DAB1: variants seen among roughly 807,000 people sequenced by gnomAD.
The protein encoded by DAB1 is disabled homolog 1.
DAB1 carries 15 observed loss-of-function variants against 64.6 expected under a neutral mutation model. The ratio of observed to expected loss-of-function variants is 0.23; its 90% CI spans 0.16 to 0.36. The LOEUF is 0.36. DAB1 is among the 10% of genes least tolerant of loss of function. The pLI is 1.00. For missense variants in DAB1, 596 were observed against 706.7 expected (o/e 0.84, Z 1.78); for synonymous variants, 235 against 251.9 (o/e 0.93, Z 0.64).
At chr1:57,327,595 G>A (rs1676280618) in intron 1 of DAB1, among the ~76,000 whole-genome samples, 1 of 152,048 alleles carries the variant, frequency 6.6e-6, no homozygotes, top group Non-Finnish European at 1.5e-5. Context: ...GAAAAAAAGA[G>A]GTTAAGAGAT....
chr1:58,216,164 A>G (rs1323038532), intron 4 of DAB1, among the ~76,000 whole-genome samples: 3 of 152,022 alleles, frequency 2.0e-5, no homozygotes, highest in Non-Finnish European at 2.9e-5. Flanking sequence ...ATTTCTCCCA[A>G]TGCTATCCCT....
chr1:57,695,381 A>AAAGAAAAGAAAG (rs1646825540), intron 6 of DAB1, among the ~76,000 whole-genome samples: 2 of 77,564 alleles, frequency 2.6e-5, no homozygotes, highest in Non-Finnish European at 5.3e-5. Context: ...AGAAAGAAAG[A>AAAGAAAAGAAAG]AAGAAAGAAA....
chr1:58,244,823 A>G lies in DAB1; in HGVS notation n.310-94235T>C, dbSNP rs776050199. 1.6e-4 allele frequency among the ~76,000 whole-genome samples: 25 copies of G among 152,344 alleles called. No individual in the cohort carries two copies. The Middle Eastern group carries it at 0.01, about 62-fold the overall frequency. ...CTAGGATCGTTAGGAGGATGAAACC[A>G]GAGAATACAGGTAGTGTGCTCAACC... On this transcript the variant is annotated intron_variant and non_coding_transcript_variant, in intron 4 of 20. Transcript: ENST00000485760.
At chr1:57,098,747 A>C (rs1304437071) in intron 4 of DAB1, among the ~76,000 whole-genome samples, 3 of 152,218 alleles carry the variant, frequency 2.0e-5, no homozygotes, top group African/African-American at 7.2e-5. Context: ...CAAAATAATA[A>C]TGTAAATAAT....
At chr1:57,200,288 C>T (rs1339210419) in intron 2 of DAB1, among the ~76,000 whole-genome samples, 2 of 152,196 alleles carry the variant, frequency 1.3e-5, no homozygotes, top group African/African-American at 4.8e-5. Context: ...CATTGATTTA[C>T]TGAGCACATA....
At chr1:57,332,254 A>C (rs758304265) in intron 1 of DAB1, among the ~76,000 whole-genome samples, 1 of 152,170 alleles carries the variant, frequency 6.6e-6, no homozygotes, top group African/African-American at 2.4e-5. Flanking sequence ...ATAAGCCACA[A>C]TGCCCAGCTG....
intron 1 of DAB1, among the ~76,000 whole-genome samples, chr1:57,309,155 A>G (rs2100726631): frequency 6.6e-6 from 1 of 152,304 alleles, no homozygotes; most frequent in African/African-American, 2.4e-5. Flanking sequence ...AAAAGATTGG[A>G]TACCCCTGGC....
chr1:57,290,925 GA>G lies in DAB1; in HGVS notation c.67+38del, dbSNP rs775263616. On this transcript the variant is annotated intron_variant, in intron 2 of 14. Transcript: ENST00000371236. Reference sequence around the variant, plus strand: ...AGATCTAAAAACTCATTCCTGTGCAGAAAAGTAGCCATTAAAAAAAGGTCAA... The same window carrying G: ...AGATCTAAAAACTCATTCCTGTGCAGAAAGTAGCCATTAAAAAAAGGTCAA... 7 of 1,404,126 alleles carry G rather than the reference GA, an allele frequency of 5.0e-6. No homozygotes were observed. The East Asian group carries it at 1.6e-4, about 32-fold the overall frequency. The allele number at this position is 1,404,126 out of a possible 1,614,324, so 87.0% of individuals were successfully genotyped here.
intron 3 of DAB1, among the ~76,000 whole-genome samples, chr1:58,380,972 C>T (rs546452987): frequency 1.8e-4 from 28 of 152,292 alleles, no homozygotes; most frequent in African/African-American, 5.3e-4. Flanking sequence ...TAAAAACGAA[C>T]GAGATCATGT....
At chr1:57,883,621 T>G (rs568286225) in intron 1 of DAB1, among the ~76,000 whole-genome samples, 26 of 152,350 alleles carry the variant, frequency 1.7e-4, no homozygotes, top group African/African-American at 6.0e-4. Context: ...CCTGCAGATC[T>G]TAGGCAGCCA....
At chr1:57,620,810 G>C (rs952117528) in intron 7 of DAB1, among the ~76,000 whole-genome samples, 1 of 152,172 alleles carries the variant, frequency 6.6e-6, no homozygotes, top group African/African-American at 2.4e-5. Context: ...TGGAAGCAGG[G>C]GGGCAGCGCG....
chr1:57,029,331 G>A (rs1646893241), intron 9 of DAB1, among the ~76,000 whole-genome samples: 1 of 152,222 alleles, frequency 6.6e-6, no homozygotes, highest in Non-Finnish European at 1.5e-5. Flanking sequence ...GTATGGAAAT[G>A]CCTGGATGCC....
rs1646821470 is a variant in DAB1 at position 57,695,364 on chromosome 1, GAAA to G, written n.552-45702_552-45700del. Among the ~76,000 whole-genome samples the G allele has an allele frequency of 1.2e-3, 48 of 40,162 alleles. 1 individual carries two copies. Among genetic ancestry groups the G allele is most frequent in the African/African-American group, 7.9e-3 (45 of 5,724 alleles). 26.3% of individuals were successfully genotyped at this position (40,162 alleles called of 152,430 possible). A position where few individuals can be genotyped will look rare whatever the true frequency, so the allele number is the denominator to read the frequency against. Reference sequence around the variant, plus strand: ...AGAAAGAAAGAAAGAAAAGAAAGAAGAAAGAAAGAAAGAAAGAAAGAAAGAAAG... The same window carrying G: ...AGAAAGAAAGAAAGAAAAGAAAGAAGGAAAGAAAGAAAGAAAGAAAGAAAG... On this transcript the variant is annotated intron_variant and non_coding_transcript_variant, in intron 6 of 20. Transcript: ENST00000485760.
At chr1:58,089,914 C>T (rs1029349835) in intron 5 of DAB1, among the ~76,000 whole-genome samples, 2 of 152,168 alleles carry the variant, frequency 1.3e-5, no homozygotes, top group African/African-American at 2.4e-5. Flanking sequence ...AAAATTTGCA[C>T]TTAAATAAAA....
At chr1:58,467,334 A>T (rs1486127984) in intron 3 of DAB1, among the ~76,000 whole-genome samples, 1 of 152,262 alleles carries the variant, frequency 6.6e-6, no homozygotes, top group African/African-American at 2.4e-5. Flanking sequence ...AAACAAAAGC[A>T]GAACGTCTGC....
chr1:57,026,171 T>A (rs1196412566), intron 9 of DAB1, 128 bp from the exon 10 acceptor site: 1 of 680,724 alleles, frequency 1.5e-6, no homozygotes, highest in Non-Finnish European at 2.5e-6. Context: ...ACCGTAATCC[T>A]GATGGGTCAT....
chr1:57,815,197 C>T (rs1406726517), intron 6 of DAB1, among the ~76,000 whole-genome samples: 1 of 151,918 alleles, frequency 6.6e-6, no homozygotes, highest in African/African-American at 2.4e-5. Flanking sequence ...GCCTCCAGAG[C>T]AGCTTGGACT....
chr1:57,399,201 T>G (rs1683047825), intron 1 of DAB1, among the ~76,000 whole-genome samples: 3 of 152,136 alleles, frequency 2.0e-5, no homozygotes, highest in Admixed American at 2.0e-4. Flanking sequence ...GTTTTTAGTG[T>G]GAGGGTCTTT....
intron 1 of DAB1, among the ~76,000 whole-genome samples, chr1:57,404,575 A>G (rs1010064034): frequency 1.3e-5 from 2 of 152,182 alleles, no homozygotes; most frequent in African/African-American, 4.8e-5. Context: ...AGTATAAATG[A>G]CTTTTTTTCT....
Sources: allele counts gnomAD v4.1 joint callset (sites outside exome capture counted in the v4.1 genomes callset), GRCh38; gene constraint gnomAD v4.1.1; transcripts MANE v1.5; gene names NCBI Gene and HGNC (gene_info 2026-07-23, HGNC 2026-07-21).